The following RGL1 variants were observed in gnomAD, a reference collection of about 807,000 sequenced individuals.
RGL1 encodes the protein ral guanine nucleotide dissociation stimulator like 1.
A neutral mutation model predicts 95.2 loss-of-function variants in RGL1; 24 were observed. That is an observed-to-expected ratio of 0.25 (90% CI 0.18 to 0.35). The LOEUF (loss-of-function observed/expected upper bound fraction) is 0.35. Ranked by LOEUF, RGL1 falls within the 10% of genes least tolerant of loss-of-function variation. The pLI is 1.00. For synonymous variants in RGL1, 329 were observed against 344.9 expected, an observed-to-expected ratio of 0.95 and a Z score of 0.51; for missense variants, 715 against 936.3, an observed-to-expected ratio of 0.76 and a Z score of 3.08.
intron 3 of RGL1, among the ~76,000 whole-genome samples, chr1:183,848,760 C>T (rs920165789): frequency 2.0e-5 from 3 of 152,034 alleles, no homozygotes; most frequent in African/African-American, 7.2e-5. Context: ...GCAAATAACA[C>T]ATATTAACAT....
At chr1:183,886,851 C>A (rs1439157905) in intron 7 of RGL1, among the ~76,000 whole-genome samples, 2 of 151,994 alleles carry the variant, frequency 1.3e-5, no homozygotes, top group Non-Finnish European at 2.9e-5. Context: ...ACTATATTTT[C>A]TTGGACTGCC....
intron 1 of RGL1, among the ~76,000 whole-genome samples, chr1:183,741,818 A>G (rs961155302): frequency 3.3e-5 from 5 of 152,166 alleles, no homozygotes; most frequent in Admixed American, 3.3e-4. Context: ...ACCCATTTCC[A>G]TCACTCCCCC....
intron 1 of RGL1, among the ~76,000 whole-genome samples, chr1:183,737,882 A>G (rs1295117419): frequency 6.6e-6 from 1 of 152,206 alleles, no homozygotes; most frequent in Non-Finnish European, 1.5e-5. Context: ...TGATTTTACC[A>G]TCCAGTTGTT....
chr1:183,827,194 A>C (rs1443652970), intron 2 of RGL1, among the ~76,000 whole-genome samples: 1 of 152,204 alleles, frequency 6.6e-6, no homozygotes, highest in East Asian at 1.9e-4. Context: ...AAGTGTTGGG[A>C]TTACAGGTGT....
intron 13 of RGL1, among the ~76,000 whole-genome samples, chr1:183,906,560 C>G (rs765473775): frequency 9.9e-5 from 15 of 152,064 alleles, no homozygotes; most frequent in Non-Finnish European, 2.2e-4. Context: ...AAAGTCTCTT[C>G]ATTTTCTTTA....
chr1:183,707,494 G>A lies in RGL1; in HGVS notation c.-32-34632G>A, dbSNP rs537971477. 3.9e-5 allele frequency among the ~76,000 whole-genome samples: 6 copies of A among 152,270 alleles called. No homozygotes were observed. In the East Asian group the frequency reaches 1.2e-3, roughly 29 times the overall value. On this transcript the variant is annotated intron_variant, in intron 1 of 18. Coordinates refer to the RGL1 transcript ENST00000304685. ...GGCGCTGAAGTAAGCGTGGGGCATG[G>A]GCCAAAGATGGCACCTGAGCGAGTA...
At chr1:183,678,813 A>T (rs1290045037) in intron 1 of RGL1, among the ~76,000 whole-genome samples, 1 of 152,192 alleles carries the variant, frequency 6.6e-6, no homozygotes, top group African/African-American at 2.4e-5. Context: ...TCTCACACTG[A>T]CTGGTTACCT....
At position 183,871,590 on chromosome 1, in the gene RGL1, C is replaced by T. The variant is rs150101723; in HGVS notation, c.425+5517C>T. Among the ~76,000 whole-genome samples, 65 of 152,328 alleles carry T rather than the reference C, an allele frequency of 4.3e-4. No individual in the cohort carries two copies. The East Asian group carries it at 0.011, about 27-fold the overall frequency. On this transcript the variant is annotated intron_variant, in intron 4 of 17. Coordinates refer to ENST00000360851, the MANE Select transcript of RGL1 (RefSeq NM_001297671.3). Reference sequence around the variant, plus strand: ...GCTGTAAAGCAAAGAGCAACCCTTACATTTTATACAGGCTCCCAAGTACCA... The same window carrying T: ...GCTGTAAAGCAAAGAGCAACCCTTATATTTTATACAGGCTCCCAAGTACCA...
At chr1:183,793,259 A>G (rs1489159522) in intron 2 of RGL1, among the ~76,000 whole-genome samples, 1 of 152,166 alleles carries the variant, frequency 6.6e-6, no homozygotes, top group African/African-American at 2.4e-5. Flanking sequence ...ACCAGACCCC[A>G]TCTCTCACCG....
chr1:183,727,374 A>G (rs897965942), intron 1 of RGL1, among the ~76,000 whole-genome samples: 2 of 152,208 alleles, frequency 1.3e-5, no homozygotes, highest in Non-Finnish European at 2.9e-5. Context: ...AACCTCCTCA[A>G]TCTCATAAAA....
rs1667868530 is a variant in RGL1, at chr1:183,899,065, CCTGCAGTT to C, written c.1231-1084_1231-1077del. 9.2e-5 allele frequency among the ~76,000 whole-genome samples: 14 copies of C among 152,240 alleles called. 1 individual carries two copies. The South Asian group carries it at 2.9e-3, about 32-fold the overall frequency. On this transcript the variant is annotated intron_variant, in intron 10 of 17. Transcript: ENST00000360851. ...TTTAGTGAAATGAATATAGTGTATCCCTGCAGTTGTAGGTAGAAGTGCCTCCACCTTCA... is the reference window on the plus strand; with the variant it reads ...TTTAGTGAAATGAATATAGTGTATCCGTAGGTAGAAGTGCCTCCACCTTCA...
At chr1:183,840,643 G>A (rs917261977) in intron 2 of RGL1, among the ~76,000 whole-genome samples, 29 of 151,906 alleles carry the variant, frequency 1.9e-4, no homozygotes, top group Admixed American at 3.9e-4. Context: ...TGGGAGAATC[G>A]CTTGAGTCCA....
At chr1:183,761,408 C>T (rs1658660075) in intron 2 of RGL1, among the ~76,000 whole-genome samples, 1 of 152,224 alleles carries the variant, frequency 6.6e-6, no homozygotes, top group Non-Finnish European at 1.5e-5. Flanking sequence ...TGACCAGCCA[C>T]ATTGTCAATG....
chr1:183,860,544 C>A (rs1665450199), intron 3 of RGL1, among the ~76,000 whole-genome samples: 1 of 152,098 alleles, frequency 6.6e-6, no homozygotes, highest in African/African-American at 2.4e-5. Context: ...TTTGCATTGG[C>A]TCTTTGGACT....
intron 15 of RGL1, among the ~76,000 whole-genome samples, chr1:183,915,038 T>C (rs1166341325): frequency 6.6e-6 from 1 of 152,156 alleles, no homozygotes; most frequent in Non-Finnish European, 1.5e-5. Flanking sequence ...AACCATATTA[T>C]GATAGAGCCA....
intron 2 of RGL1, among the ~76,000 whole-genome samples, chr1:183,764,423 G>A (rs1298044491): frequency 1.3e-5 from 2 of 152,206 alleles, no homozygotes; most frequent in East Asian, 3.8e-4. Context: ...GCATCCCATT[G>A]TCCAGATGTG....
chr1:183,691,170 A>C (rs890242320), intron 1 of RGL1, among the ~76,000 whole-genome samples: 6 of 152,346 alleles, frequency 3.9e-5, no homozygotes, highest in African/African-American at 1.4e-4. Context: ...AAAAATCTGC[A>C]TTTCATCATA....
intron 1 of RGL1, among the ~76,000 whole-genome samples, chr1:183,687,545 C>G (rs1653676925): frequency 6.6e-6 from 1 of 152,064 alleles, no homozygotes; most frequent in South Asian, 2.1e-4. Context: ...ATTTTATGCT[C>G]CCTGAGATCT....
intron 1 of RGL1, among the ~76,000 whole-genome samples, chr1:183,741,208 G>C (rs1657283948): frequency 6.6e-6 from 1 of 152,270 alleles, no homozygotes; most frequent in Middle Eastern, 3.4e-3. Flanking sequence ...AAGGAATTTG[G>C]GTTTTATTCT....
Sources: gnomAD v4.1 joint callset for allele counts (sites outside exome capture counted in the v4.1 genomes callset) on GRCh38, gnomAD v4.1.1 for gene constraint, MANE v1.5 for transcripts, NCBI Gene and HGNC (gene_info 2026-07-23, HGNC 2026-07-21) for gene names.